OSTN: variants seen among roughly 807,000 people sequenced by gnomAD.
OSTN encodes osteocrin.
In OSTN, 9 loss-of-function variants were observed where a neutral mutation model predicts 12.0. The observed-to-expected ratio is 0.75, with a 90% CI of 0.45 to 1.30. The LOEUF (loss-of-function observed/expected upper bound fraction) is 1.30, where lower values mean the gene tolerates loss of function less well. Ranked by LOEUF, OSTN falls within the 50% of genes most tolerant of loss-of-function variation. The probability of loss-of-function intolerance (pLI) is 0.00; values close to 1 mark genes in which losing one functional copy is unlikely to be tolerated. For synonymous variants in OSTN, 59 were observed against 56.9 expected, an observed-to-expected ratio of 1.04 and a Z score of -0.16; for missense variants, 148 against 152.3, an observed-to-expected ratio of 0.97 and a Z score of 0.15.
At chr3:191,220,257 T>G (rs1341663032) in intron 3 of OSTN, among the ~76,000 whole-genome samples, 1 of 152,124 alleles carries the variant, frequency 6.6e-6, no homozygotes, top group East Asian at 1.9e-4. Context: ...CACTAGAAAA[T>G]AAAATCATCA....
At chr3:191,211,393 C>T (rs886617546) in intron 1 of OSTN, among the ~76,000 whole-genome samples, 9 of 152,220 alleles carry the variant, frequency 5.9e-5, no homozygotes, top group South Asian at 4.1e-4. Flanking sequence ...ATTAATAAAT[C>T]TATTTTCTCT....
At chr3:191,249,938 T>C (rs1363981582) in intron 3 of OSTN, 99 bp from the exon 4 acceptor site, 1 of 848,414 alleles carries the variant, frequency 1.2e-6, no homozygotes, top group African/African-American at 1.7e-5. Context: ...TTATTCCAAC[T>C]CCCAAAGAAA....
At position 191,264,245 on chromosome 3, in the gene OSTN, C is replaced by G. The variant is rs1253608418; in HGVS notation, c.*1392C>G. The G allele has an allele frequency of 6.6e-6, 1 of 151,576 alleles. No individual in the cohort carries two copies. Among genetic ancestry groups the G allele is most frequent in the Non-Finnish European group, 1.5e-5 (1 of 67,874 alleles). 9.4% of individuals were successfully genotyped at this position (151,576 alleles called of 1,614,324 possible). ...ATAAAATAAACTCAAAGAAACATAACAAAAATATATTAGAAAAAGAGTTAA... is the reference window on the plus strand; with the variant it reads ...ATAAAATAAACTCAAAGAAACATAAGAAAAATATATTAGAAAAAGAGTTAA... On this transcript the variant is annotated 3_prime_UTR_variant, in exon 5 of 5. Coordinates refer to ENST00000682035, the MANE Select transcript of OSTN (RefSeq NM_198184.2).
At chr3:191,232,877 A>G (rs1715096340) in intron 3 of OSTN, among the ~76,000 whole-genome samples, 1 of 152,086 alleles carries the variant, frequency 6.6e-6, no homozygotes, top group Non-Finnish European at 1.5e-5. Flanking sequence ...TGCCTTTCAG[A>G]GTGCTGGGAT....
At chr3:191,260,004 A>G (rs1715770416) in intron 4 of OSTN, among the ~76,000 whole-genome samples, 1 of 147,482 alleles carries the variant, frequency 6.8e-6, no homozygotes, top group Non-Finnish European at 1.5e-5. Context: ...ACAGGCACAC[A>G]CCATGCCCGG....
chr3:191,206,052 G>A (rs751604557), intron 1 of OSTN, among the ~76,000 whole-genome samples: 8 of 152,008 alleles, frequency 5.3e-5, no homozygotes, highest in Admixed American at 2.0e-4. Flanking sequence ...AGACACGGTG[G>A]CAGGGCCTGT....
At chr3:191,239,034 A>C (rs552800710) in intron 3 of OSTN, among the ~76,000 whole-genome samples, 11 of 152,334 alleles carry the variant, frequency 7.2e-5, no homozygotes, top group Non-Finnish European at 7.3e-5. Context: ...GTAAATGGAG[A>C]TCCTCTCTGC....
chr3:191,248,475 A>C (rs1715487904), intron 3 of OSTN, among the ~76,000 whole-genome samples: 2 of 152,242 alleles, frequency 1.3e-5, no homozygotes, highest in African/African-American at 4.8e-5. Flanking sequence ...TTGGTAAATA[A>C]GTATAGTTTA....
At chr3:191,200,534 C>T (rs940204590) in intron 1 of OSTN, among the ~76,000 whole-genome samples, 1 of 151,994 alleles carries the variant, frequency 6.6e-6, no homozygotes, top group Non-Finnish European at 1.5e-5. Context: ...ATAAAGAACT[C>T]GAAGTAAGAA....
intron 4 of OSTN, among the ~76,000 whole-genome samples, chr3:191,251,700 C>CT (rs1331889212): frequency 6.6e-6 from 1 of 152,200 alleles, no homozygotes; most frequent in African/African-American, 2.4e-5. Flanking sequence ...TACAAGAGAA[C>CT]TTACTGAATA....
chr3:191,212,770 CAT>C (rs1491388794), intron 2 of OSTN, 136 bp downstream of exon 2: 6 of 168,936 alleles, frequency 3.6e-5, no homozygotes, highest in Non-Finnish European at 6.0e-5. Flanking sequence ...TATATCATAT[CAT>C]ATATTTTATA....
intron 3 of OSTN, among the ~76,000 whole-genome samples, chr3:191,246,008 C>T (rs555259617): frequency 7.5e-6 from 1 of 133,676 alleles, no homozygotes; most frequent in South Asian, 2.4e-4. Context: ...CAAAGGTTGC[C>T]GTGAACTGAG....
At chr3:191,261,189 C>G (rs1467705602) in intron 4 of OSTN, among the ~76,000 whole-genome samples, 3 of 152,156 alleles carry the variant, frequency 2.0e-5, no homozygotes, top group African/African-American at 7.2e-5. Context: ...TTAACCTTTG[C>G]CCCTCTGAAG....
chr3:191,239,996 T>C (rs1006405876), intron 3 of OSTN, among the ~76,000 whole-genome samples: 5 of 152,258 alleles, frequency 3.3e-5, no homozygotes, highest in African/African-American at 1.2e-4. Context: ...ACACACTTTA[T>C]GTTCAGCTTG....
At chr3:191,231,805 T>C (rs1715061588) in intron 3 of OSTN, among the ~76,000 whole-genome samples, 1 of 152,166 alleles carries the variant, frequency 6.6e-6, no homozygotes, top group Admixed American at 6.5e-5. Flanking sequence ...AATTCAGGGA[T>C]TCATAAACTT....
At chr3:191,206,480 T>A (rs1714277807) in intron 1 of OSTN, among the ~76,000 whole-genome samples, 1 of 152,234 alleles carries the variant, frequency 6.6e-6, no homozygotes, top group Non-Finnish European at 1.5e-5. Flanking sequence ...ACAGCCTAGA[T>A]GCAATTTTTT....
chr3:191,254,573 T>C (rs1715630444), intron 4 of OSTN, among the ~76,000 whole-genome samples: 1 of 152,224 alleles, frequency 6.6e-6, no homozygotes, highest in Non-Finnish European at 1.5e-5. Flanking sequence ...GTCCAAACTA[T>C]AGGCAAATAA....
chr3:191,207,280 C>A (rs565605221), intron 1 of OSTN, among the ~76,000 whole-genome samples: 10 of 152,256 alleles, frequency 6.6e-5, no homozygotes, highest in African/African-American at 2.2e-4. Flanking sequence ...GATTTACTCA[C>A]AAACCTAGTA....
At chr3:191,216,673 C>G (rs1042593616) in intron 2 of OSTN, among the ~76,000 whole-genome samples, 2 of 152,200 alleles carry the variant, frequency 1.3e-5, no homozygotes, top group Non-Finnish European at 2.9e-5. Context: ...CCACAGATCT[C>G]TAGGGCCAGG....
Sources: allele counts gnomAD v4.1 joint callset (sites outside exome capture counted in the v4.1 genomes callset), GRCh38; gene constraint gnomAD v4.1.1; transcripts MANE v1.5; gene names NCBI Gene and HGNC (gene_info 2026-07-23, HGNC 2026-07-21).